The following TMCO4 variants were observed in gnomAD, a reference collection of about 807,000 sequenced individuals.
TMCO4 encodes transmembrane and coiled-coil domains 4, also known as transmembrane and coiled-coil domain-containing protein 4.
Under a neutral mutation model 64.7 loss-of-function variants are expected in TMCO4, and 58 were observed. That is an observed-to-expected ratio of 0.90 (90% CI 0.73 to 1.12). The LOEUF is 1.12. Among genes scored for constraint, TMCO4 ranks in the 50% most tolerant of loss-of-function variants. The probability of loss-of-function intolerance (pLI) is 0.00; values close to 1 mark genes in which losing one functional copy is unlikely to be tolerated. For missense variants in TMCO4, 780 were observed against 825.9 expected, an observed-to-expected ratio of 0.94 and a Z score of 0.68; for synonymous variants, 325 against 346.1, an observed-to-expected ratio of 0.94 and a Z score of 0.68.
chr1:19,760,300 G>T (rs1301935452), intron 6 of TMCO4, among the ~76,000 whole-genome samples: 1 of 152,060 alleles, frequency 6.6e-6, no homozygotes, highest in African/African-American at 2.4e-5. Flanking sequence ...AAATATCAGA[G>T]GCTTGACTAT....
At position 19,771,497 on chromosome 1, in the gene TMCO4, T is replaced by C. The variant is rs1452028032; in HGVS notation, c.180-15A>G. On this transcript the variant is annotated splice_polypyrimidine_tract_variant and intron_variant, in intron 4 of 15. Coordinates refer to ENST00000294543, the MANE Select transcript of TMCO4 (RefSeq NM_181719.7). ...TGCAGAAGGAGCTGAAAGGCAGACA[T>C]GGCTTAGTTCTCCAGGATCCTCAGA... 13 of 1,612,230 alleles carry C rather than the reference T, an allele frequency of 8.1e-6. No individual in the cohort carries two copies. Among genetic ancestry groups the C allele is most frequent in the South Asian group, 1.1e-5 (1 of 90,882 alleles).
At chr1:19,761,619 G>A (rs762017980) in intron 6 of TMCO4, among the ~76,000 whole-genome samples, 15 of 152,238 alleles carry the variant, frequency 9.9e-5, no homozygotes, top group Non-Finnish European at 1.8e-4. Context: ...CAGTCACAGC[G>A]GGACAGTGGT....
At chr1:19,759,010 G>A (rs2042385114) in intron 6 of TMCO4, among the ~76,000 whole-genome samples, 1 of 149,434 alleles carries the variant, frequency 6.7e-6, no homozygotes, top group Non-Finnish European at 1.5e-5. Flanking sequence ...GCTAAGGCAG[G>A]AGAATTGCTT....
intron 6 of TMCO4, among the ~76,000 whole-genome samples, chr1:19,757,942 C>T (rs536374565): frequency 6.6e-6 from 1 of 152,152 alleles, no homozygotes; most frequent in Admixed American, 6.5e-5. Context: ...TCAGCTACTC[C>T]GCACTCACCT....
At chr1:19,709,917 T>C (rs1326280066) in intron 13 of TMCO4, among the ~76,000 whole-genome samples, 1 of 150,646 alleles carries the variant, frequency 6.6e-6, no homozygotes, top group Non-Finnish European at 1.5e-5. Flanking sequence ...GCCTCCCGAG[T>C]AGCTGGGATT....
intron 6 of TMCO4, among the ~76,000 whole-genome samples, chr1:19,768,011 G>A (rs1047581888): frequency 6.6e-6 from 1 of 150,722 alleles, no homozygotes; most frequent in Non-Finnish European, 1.5e-5. Flanking sequence ...AGAATCACTT[G>A]AACCCGGGAG....
At chr1:19,730,346 A>G (rs1012821006) in intron 13 of TMCO4, among the ~76,000 whole-genome samples, 1 of 152,248 alleles carries the variant, frequency 6.6e-6, no homozygotes, top group African/African-American at 2.4e-5. Flanking sequence ...AGCATGAGTG[A>G]GAAATGAACC....
At chr1:19,766,451 G>C (rs2235655) in intron 6 of TMCO4, among the ~76,000 whole-genome samples, 61,155 of 151,986 alleles carry the variant, frequency 0.4, 12,340 homozygotes, top group African/African-American at 0.43. Context: ...CTTGAAATTG[G>C]AGTTCAGAGA....
intron 5 of TMCO4, among the ~76,000 whole-genome samples, chr1:19,770,844 A>G (rs548032165): frequency 6.6e-6 from 1 of 152,358 alleles, no homozygotes; most frequent in African/African-American, 2.4e-5. Flanking sequence ...CTTTAACTGC[A>G]GGCATAGCTG....
chr1:19,691,131 G>A (rs946376044), intron 15 of TMCO4, among the ~76,000 whole-genome samples: 1 of 152,104 alleles, frequency 6.6e-6, no homozygotes, highest in South Asian at 2.1e-4. Context: ...GCCTCCCAAA[G>A]TGCTGGGATT....
intron 13 of TMCO4, among the ~76,000 whole-genome samples, chr1:19,725,054 T>C (rs2095402765): frequency 6.6e-6 from 1 of 152,164 alleles, no homozygotes; most frequent in Admixed American, 6.5e-5. Flanking sequence ...GTGCTCCTTC[T>C]TTCATGTCAT....
intron 15 of TMCO4, among the ~76,000 whole-genome samples, chr1:19,688,693 C>A (rs1337782286): frequency 6.6e-6 from 1 of 152,224 alleles, no homozygotes; most frequent in South Asian, 2.1e-4. Flanking sequence ...CATGCCGTGG[C>A]ACCGCCTGCA....
intron 14 of TMCO4, among the ~76,000 whole-genome samples, chr1:19,696,591 A>G (rs145125902): frequency 0.01 from 1,530 of 152,142 alleles, 15 homozygotes; most frequent in East Asian, 0.026. Flanking sequence ...AAAAATTAAA[A>G]AAAAAAAGGA....
chr1:19,712,703 T>C (rs1028825380), intron 13 of TMCO4, among the ~76,000 whole-genome samples: 15 of 152,052 alleles, frequency 9.9e-5, no homozygotes, highest in African/African-American at 3.6e-4. Context: ...GGTGAGCACA[T>C]GTACTAGTGA....
intron 2 of TMCO4, among the ~76,000 whole-genome samples, chr1:19,797,672 C>T (rs2044376674): frequency 6.6e-6 from 1 of 152,016 alleles, no homozygotes; most frequent in Admixed American, 6.6e-5. Flanking sequence ...AGTTCAAGAC[C>T]AGCCCAATAT....
rs1346034505 is a variant in TMCO4, at chr1:19,743,958, C to A, written c.877+1574G>T. On this transcript the variant is annotated intron_variant, in intron 10 of 15. Coordinates refer to ENST00000294543, the MANE Select transcript of TMCO4 (RefSeq NM_181719.7). The surrounding 1 kb of genome is among the most constrained non-coding windows in gnomAD (Gnocchi z 4.1). The stretch of plus-strand genomic sequence containing the variant: ...AAGGTAGGTGTGAACGAGGCGCTCA[C>A]TGAACGCTAGTGACCTCTGTGCATG... Among the ~76,000 whole-genome samples the A allele has an allele frequency of 1.3e-5, 2 of 152,216 alleles. No individual in the cohort carries two copies. The highest frequency in any genetic ancestry group is 2.9e-5 in the Non-Finnish European group (2 of 68,034).
At chr1:19,733,295 A>G (rs1420922829) in intron 13 of TMCO4, among the ~76,000 whole-genome samples, 2 of 152,154 alleles carry the variant, frequency 1.3e-5, no homozygotes, top group Admixed American at 1.3e-4. Context: ...TCTTAATAAA[A>G]TATTGAAGAC....
At chr1:19,775,154 T>C (rs1385698411) in intron 4 of TMCO4, among the ~76,000 whole-genome samples, 1 of 152,192 alleles carries the variant, frequency 6.6e-6, no homozygotes, top group East Asian at 1.9e-4. Context: ...ATCCTCTGCC[T>C]CCCAGGTTCA....
chr1:19,758,511 T>C (rs960666124), intron 6 of TMCO4, among the ~76,000 whole-genome samples: 5 of 152,114 alleles, frequency 3.3e-5, no homozygotes, highest in African/African-American at 1.2e-4. Context: ...GGCTGCTGGG[T>C]GCATGTGTGA....
Sources: gnomAD v4.1 joint callset for allele counts (sites outside exome capture counted in the v4.1 genomes callset) on GRCh38, gnomAD v4.1.1 for gene constraint, Gnocchi (gnomAD v3.1) non-coding constraint, MANE v1.5 for transcripts, NCBI Gene and HGNC (gene_info 2026-07-23, HGNC 2026-07-21) for gene names.